Variants in DOCK4 observed in about 807,000 individuals in gnomAD.
DOCK4 encodes the protein dedicator of cytokinesis 4, also known as dedicator of cytokinesis protein 4.
A neutral mutation model predicts 268.1 loss-of-function variants in DOCK4; 97 were observed. That is an observed-to-expected ratio of 0.36 (90% CI 0.31 to 0.43). The LOEUF (loss-of-function observed/expected upper bound fraction) is 0.43. Ranked by LOEUF, DOCK4 falls within the 20% of genes least tolerant of loss-of-function variation. DOCK4 has a pLI of 1.00. For synonymous variants in DOCK4, 954 were observed against 887.2 expected (o/e 1.08, Z -1.34); for missense variants, 2,145 against 2,455.7 (o/e 0.87, Z 2.67).
intron 12 of DOCK4, among the ~76,000 whole-genome samples, chr7:111,928,976 T>C (rs569700876): frequency 6.6e-6 from 1 of 152,230 alleles, no homozygotes; most frequent in Non-Finnish European, 1.5e-5. Context: ...TATATCAATG[T>C]TAACATTCTG....
chr7:111,746,767 A>G (rs564446329), intron 43 of DOCK4, among the ~76,000 whole-genome samples: 43 of 151,730 alleles, frequency 2.8e-4, no homozygotes, highest in African/African-American at 9.9e-4. Context: ...TTAAGAGAGC[A>G]GATGAAAGGT....
chr7:112,118,712 T>C (rs551084373), intron 1 of DOCK4, among the ~76,000 whole-genome samples: 63 of 152,256 alleles, frequency 4.1e-4, no homozygotes, highest in African/African-American at 1.4e-3. Context: ...CCTGAGCCTG[T>C]CTTCAATCTA....
chr7:111,744,707 C>T lies in DOCK4; in HGVS notation c.4677+1627G>A, dbSNP rs566863988. ...AAATCAATGAAGGTTAAAGTCATTG[C>T]ATAATCCTAAGTAATGGATGACCTC... On this transcript the variant is annotated intron_variant, in intron 44 of 52. Transcript: ENST00000428084. Among the ~76,000 whole-genome samples the T allele has an allele frequency of 4.6e-5, 7 of 152,304 alleles. No individual in the cohort carries two copies. In the East Asian group the frequency reaches 9.6e-4, roughly 21 times the overall value.
intron 1 of DOCK4, among the ~76,000 whole-genome samples, chr7:112,087,809 A>T (rs554033161): frequency 6.6e-6 from 1 of 152,174 alleles, no homozygotes; most frequent in South Asian, 2.1e-4. Flanking sequence ...TTGTATTGGG[A>T]CCATTTGTCA....
At chr7:111,859,421 AT>A (rs995172030) in intron 23 of DOCK4, among the ~76,000 whole-genome samples, 15 of 151,570 alleles carry the variant, frequency 9.9e-5, no homozygotes, top group Admixed American at 3.9e-4. Context: ...TAATAAAAGA[AT>A]TTTTTTTTAC....
intron 1 of DOCK4, among the ~76,000 whole-genome samples, chr7:112,162,542 C>G (rs75457518): frequency 6.6e-6 from 1 of 151,732 alleles, no homozygotes; most frequent in Admixed American, 6.6e-5. Flanking sequence ...TCTCTCCCCC[C>G]TCTCCCTGCC....
chr7:111,956,335 T>G (rs1054205787), intron 8 of DOCK4, among the ~76,000 whole-genome samples: 5 of 152,172 alleles, frequency 3.3e-5, no homozygotes. Context: ...AAACACAGAA[T>G]AAGTATAAAA....
rs1483953083 is a variant in DOCK4, at chr7:111,844,846, T to C, written c.2653A>G (p.Ile885Val). Residue 885 changes from isoleucine to valine, a missense_variant, in exon 25 of 53, where the codon ATT (isoleucine) becomes GTT (valine). Ile to Val is a conservative substitution (Grantham distance 29). Around this residue, in one of 2 missense-constraint regions of DOCK4, gnomAD observed 1,598 missense variants for 1,986.7 expected, o/e 0.80. Transcript: ENST00000428084. ...ATCTCCAATATGGTCCTCAGCAGAA[T>C]ATCCAGCAAGCTGGCCACTATCACA... ...IDVIVASLLDILLRTILEITS... is the reference protein window; with the variant it reads ...IDVIVASLLDVLLRTILEITS... 6.2e-7 allele frequency: 1 copy of C among 1,613,574 alleles called. No homozygotes were observed. Among genetic ancestry groups the C allele is most frequent in the South Asian group, 1.1e-5 (1 of 91,018 alleles).
chr7:112,071,606 A>C lies in DOCK4; in HGVS notation c.38-67475T>G, dbSNP rs191891163. On this transcript the variant is annotated intron_variant, in intron 1 of 52. Coordinates refer to ENST00000428084, the MANE Select transcript of DOCK4 (RefSeq NM_001363540.2). ...TTCTATTCCAATAGGAATGCCATACAAATTGTAAAAGTATTTACGTATTCA... is the reference window on the plus strand; with the variant it reads ...TTCTATTCCAATAGGAATGCCATACCAATTGTAAAAGTATTTACGTATTCA... Among the ~76,000 whole-genome samples, 9 of 152,354 alleles carry C rather than the reference A, an allele frequency of 5.9e-5. No homozygotes were observed. The East Asian group carries it at 1.5e-3, about 26-fold the overall frequency.
At chr7:111,863,828 A>T (rs748082699) in intron 22 of DOCK4, among the ~76,000 whole-genome samples, 7 of 152,210 alleles carry the variant, frequency 4.6e-5, no homozygotes, top group Non-Finnish European at 1.0e-4. Flanking sequence ...GATTGACAAA[A>T]ACCTCACAGA....
At chr7:111,909,898 A>G (rs903283874) in intron 13 of DOCK4, among the ~76,000 whole-genome samples, 1 of 151,956 alleles carries the variant, frequency 6.6e-6, no homozygotes, top group Admixed American at 6.6e-5. Context: ...GAAGGCTGAG[A>G]CTGTAGTGAG....
chr7:112,168,913 A>G (rs1817837441), intron 1 of DOCK4, among the ~76,000 whole-genome samples: 1 of 152,204 alleles, frequency 6.6e-6, no homozygotes, highest in South Asian at 2.1e-4. Flanking sequence ...AAAAAATAGT[A>G]TCAGCACCCT....
intron 12 of DOCK4, among the ~76,000 whole-genome samples, chr7:111,923,154 T>C (rs80147055): frequency 0.055 from 8,383 of 152,208 alleles, 276 homozygotes; most frequent in South Asian, 0.1. Flanking sequence ...ATTTACATTG[T>C]ATTAGGTATT....
intron 35 of DOCK4, among the ~76,000 whole-genome samples, chr7:111,779,687 AC>A (rs1798675189): frequency 6.6e-6 from 1 of 152,160 alleles, no homozygotes; most frequent in African/African-American, 2.4e-5. Context: ...GGCATGAGCC[AC>A]TGATCCTGGC....
intron 11 of DOCK4, among the ~76,000 whole-genome samples, chr7:111,937,498 T>C (rs1306805907): frequency 6.6e-6 from 1 of 152,206 alleles, no homozygotes; most frequent in African/African-American, 2.4e-5. Flanking sequence ...CTGTCTCCCA[T>C]TGGCAGGGCT....
chr7:111,974,009 C>T (rs1373367963), intron 8 of DOCK4, among the ~76,000 whole-genome samples: 1 of 152,104 alleles, frequency 6.6e-6, no homozygotes, highest in Non-Finnish European at 1.5e-5. Flanking sequence ...TCATTACCTA[C>T]ACCAGGTGGG....
At chr7:111,888,299 A>G (rs1808013504) in intron 16 of DOCK4, among the ~76,000 whole-genome samples, 1 of 150,328 alleles carries the variant, frequency 6.7e-6, no homozygotes, top group Non-Finnish European at 1.5e-5. Flanking sequence ...TTCATCTAGG[A>G]CTATTTTTTA....
At chr7:112,093,473 ATATC>A in intron 1 of DOCK4, among the ~76,000 whole-genome samples, 1 of 152,168 alleles carries the variant, frequency 6.6e-6, no homozygotes, top group Non-Finnish European at 1.5e-5. Flanking sequence ...TTATATTAAT[ATATC>A]ACCACACTGG....
intron 16 of DOCK4, among the ~76,000 whole-genome samples, chr7:111,895,370 T>C (rs1178845852): frequency 1.3e-5 from 2 of 152,154 alleles, no homozygotes; most frequent in Non-Finnish European, 2.9e-5. Flanking sequence ...TTAAGAACAA[T>C]ACACAGGTTT....
Sources: allele counts gnomAD v4.1 joint callset (sites outside exome capture counted in the v4.1 genomes callset), GRCh38; gene constraint gnomAD v4.1.1; regional missense constraint gnomAD v4.1.1; transcripts MANE v1.5; gene names NCBI Gene and HGNC (gene_info 2026-07-23, HGNC 2026-07-21).